The following EPHA3 variants were observed in gnomAD, a reference collection of about 807,000 sequenced individuals.
EPHA3 encodes the protein ephrin type-A receptor 3.
A neutral mutation model predicts 107.1 loss-of-function variants in EPHA3; 42 were observed. The observed-to-expected ratio is 0.39, with a 90% CI of 0.31 to 0.51. The LOEUF (loss-of-function observed/expected upper bound fraction) is 0.51. EPHA3 is among the 20% of genes least tolerant of loss of function. The pLI, the probability that EPHA3 is intolerant of heterozygous loss-of-function variation, is 0.78. For missense variants in EPHA3, 1,183 were observed against 1,211.2 expected, an observed-to-expected ratio of 0.98 and a Z score of 0.35; for synonymous variants, 461 against 424.8, an observed-to-expected ratio of 1.09 and a Z score of -1.05.
At chr3:89,157,895 G>C (rs1366508793) in intron 2 of EPHA3, among the ~76,000 whole-genome samples, 1 of 151,694 alleles carries the variant, frequency 6.6e-6, no homozygotes, top group Non-Finnish European at 1.5e-5. Flanking sequence ...TCAGGGGAAA[G>C]AGAGAGTTAA....
intron 5 of EPHA3, among the ~76,000 whole-genome samples, chr3:89,349,438 C>T (rs1313476067): frequency 2.1e-5 from 3 of 140,438 alleles, no homozygotes; most frequent in Non-Finnish European, 3.1e-5. Flanking sequence ...AGGATTGCAA[C>T]CCCTGCCTTT....
intron 2 of EPHA3, among the ~76,000 whole-genome samples, chr3:89,202,577 C>T (rs1236767601): frequency 2.1e-5 from 3 of 142,862 alleles, no homozygotes; most frequent in Admixed American, 2.1e-4. Context: ...TTACATTTTA[C>T]TTATCTTTTT....
intron 4 of EPHA3, 131 bp from the exon 5 acceptor site, chr3:89,341,624 G>A (rs535687131): frequency 2.7e-6 from 2 of 737,558 alleles, no homozygotes; most frequent in African/African-American, 3.6e-5. Context: ...GATCCTCTAA[G>A]GATGAACTGA....
chr3:89,171,439 G>T (rs1200864341), intron 2 of EPHA3, among the ~76,000 whole-genome samples: 1 of 152,246 alleles, frequency 6.6e-6, no homozygotes, highest in South Asian at 2.1e-4. Context: ...GCAAGCAATG[G>T]ATATAATAGG....
At chr3:89,255,199 C>G (rs556461307) in intron 3 of EPHA3, among the ~76,000 whole-genome samples, 47 of 152,284 alleles carry the variant, frequency 3.1e-4, no homozygotes, top group African/African-American at 1.1e-3. Flanking sequence ...TATTTTACCT[C>G]AAGACGGAAG....
intron 3 of EPHA3, among the ~76,000 whole-genome samples, chr3:89,254,669 A>C (rs1705239367): frequency 6.6e-6 from 1 of 152,216 alleles, no homozygotes; most frequent in South Asian, 2.1e-4. Context: ...ATAACGGTTT[A>C]ACATTTCCTA....
At chr3:89,241,019 A>C (rs539000334) in intron 3 of EPHA3, among the ~76,000 whole-genome samples, 1 of 152,164 alleles carries the variant, frequency 6.6e-6, no homozygotes, top group South Asian at 2.1e-4. Flanking sequence ...TCTTTTAAAA[A>C]AATTTTTTTT....
chr3:89,420,324 G>A (rs1203770066), intron 11 of EPHA3, among the ~76,000 whole-genome samples: 3 of 151,204 alleles, frequency 2.0e-5, no homozygotes, highest in Admixed American at 6.6e-5. Flanking sequence ...TTTCCAAATG[G>A]CACTAATACT....
At chr3:89,140,042 A>T (rs1283112414) in intron 2 of EPHA3, among the ~76,000 whole-genome samples, 8 of 151,702 alleles carry the variant, frequency 5.3e-5, no homozygotes, top group Non-Finnish European at 1.2e-4. Context: ...GTTGTATAGG[A>T]TTATTATTAG....
At chr3:89,282,043 A>T (rs1418385873) in intron 3 of EPHA3, among the ~76,000 whole-genome samples, 1 of 152,222 alleles carries the variant, frequency 6.6e-6, no homozygotes, top group East Asian at 1.9e-4. Context: ...TCACTGATTT[A>T]CCTGTGAAAG....
intron 9 of EPHA3, among the ~76,000 whole-genome samples, chr3:89,410,620 C>A (rs1709140873): frequency 6.6e-6 from 1 of 151,862 alleles, no homozygotes; most frequent in South Asian, 2.1e-4. Flanking sequence ...TAAGTAAAGG[C>A]AAATAAAAAC....
intron 3 of EPHA3, among the ~76,000 whole-genome samples, chr3:89,249,540 A>C (rs2107260376): frequency 6.6e-6 from 1 of 152,238 alleles, no homozygotes; most frequent in East Asian, 1.9e-4. Context: ...TGCTCACTGC[A>C]ACCTCCACCT....
chr3:89,298,289 T>A (rs1321089697), intron 3 of EPHA3, among the ~76,000 whole-genome samples: 3 of 152,078 alleles, frequency 2.0e-5, no homozygotes, highest in Non-Finnish European at 4.4e-5. Context: ...GCAGCTTTCT[T>A]CTCCCTGGTG....
chr3:89,479,224 A>G (rs193058150), intron 16 of EPHA3, among the ~76,000 whole-genome samples, 173 bp from the exon 17 acceptor site: 4 of 152,334 alleles, frequency 2.6e-5, no homozygotes, highest in Non-Finnish European at 5.9e-5. Flanking sequence ...CACCATCTAT[A>G]TAGCCTTCTA....
chr3:89,116,789 G>A (rs1707268309), intron 1 of EPHA3, among the ~76,000 whole-genome samples: 1 of 149,520 alleles, frequency 6.7e-6, no homozygotes, highest in South Asian at 2.1e-4. Flanking sequence ...CAAGCTATTG[G>A]CATATTTTCC....
intron 2 of EPHA3, among the ~76,000 whole-genome samples, chr3:89,131,133 T>C (rs1704199562): frequency 6.6e-6 from 1 of 152,098 alleles, no homozygotes; most frequent in East Asian, 1.9e-4. Flanking sequence ...TTTGTGGAGG[T>C]CGTGAATAGC....
intron 15 of EPHA3, among the ~76,000 whole-genome samples, chr3:89,454,131 T>C (rs1483513211): frequency 6.6e-6 from 1 of 152,174 alleles, no homozygotes; most frequent in African/African-American, 2.4e-5. Context: ...TTTGGATGTT[T>C]TATAAAAATG....
intron 3 of EPHA3, among the ~76,000 whole-genome samples, chr3:89,219,008 T>A (rs1163070424): frequency 6.6e-6 from 1 of 152,166 alleles, no homozygotes; most frequent in Non-Finnish European, 1.5e-5. Context: ...GCAAGTATCC[T>A]ATTCATAAGG....
At chr3:89,357,432 A>G (rs1215486195) in intron 5 of EPHA3, among the ~76,000 whole-genome samples, 1 of 151,116 alleles carries the variant, frequency 6.6e-6, no homozygotes, top group Admixed American at 6.7e-5. Flanking sequence ...TTAATTGTGC[A>G]TACCATAGAT....
Sources: gnomAD v4.1 joint callset for allele counts (sites outside exome capture counted in the v4.1 genomes callset) on GRCh38, gnomAD v4.1.1 for gene constraint, MANE v1.5 for transcripts, NCBI Gene and HGNC (gene_info 2026-07-23, HGNC 2026-07-21) for gene names.